Variants in RNF220 observed in about 807,000 individuals in gnomAD.
RNF220 encodes E3 ubiquitin-protein ligase RNF220.
Under a neutral mutation model 67.1 loss-of-function variants are expected in RNF220, and 7 were observed. The observed-to-expected ratio is 0.10, with a 90% CI of 0.06 to 0.20. RNF220 has a LOEUF of 0.20. Ranked by LOEUF, RNF220 falls within the 10% of genes least tolerant of loss-of-function variation. The pLI is 1.00. For missense variants in RNF220, 565 were observed against 740.3 expected (o/e 0.76, Z 2.75); for synonymous variants, 270 against 283.2 (o/e 0.95, Z 0.47).
intron 2 of RNF220, among the ~76,000 whole-genome samples, chr1:44,462,493 A>G (rs1653876338): frequency 6.6e-6 from 1 of 152,192 alleles, no homozygotes; most frequent in Non-Finnish European, 1.5e-5. Flanking sequence ...GAAATCTTAC[A>G]ACTCCTATAT....
intron 2 of RNF220, among the ~76,000 whole-genome samples, chr1:44,424,551 G>A (rs1198454838): frequency 1.3e-5 from 2 of 152,168 alleles, no homozygotes; most frequent in Non-Finnish European, 2.9e-5. Context: ...GAGGACTAGT[G>A]GGGAGGAAAG....
At chr1:44,435,786 C>A (rs1479126811) in intron 2 of RNF220, among the ~76,000 whole-genome samples, 1 of 152,006 alleles carries the variant, frequency 6.6e-6, no homozygotes, top group Non-Finnish European at 1.5e-5. Flanking sequence ...AAAAATTATC[C>A]GGGCATGGTG....
rs1403697152 is a variant in RNF220 at position 44,565,375 on chromosome 1, A to G, written c.626-48790A>G. Among the ~76,000 whole-genome samples, 2 of 152,178 alleles carry G rather than the reference A, an allele frequency of 1.3e-5. No homozygotes were observed. The highest frequency in any genetic ancestry group is 4.8e-5 in the African/African-American group (2 of 41,436). ...GAGGTGAATTATCAGAGGGACCACC[A>G]TGGGTCGGGCAAGCACCTCAGCCAG... is the stretch of plus-strand genomic sequence containing the variant. On this transcript the variant is annotated intron_variant, in intron 2 of 14. Transcript: ENST00000361799. The surrounding 1 kb of genome is among the most constrained non-coding windows in gnomAD (Gnocchi z 4.2).
intron 2 of RNF220, among the ~76,000 whole-genome samples, chr1:44,444,227 T>A (rs1052340521): frequency 4.6e-5 from 7 of 152,228 alleles, no homozygotes; most frequent in Non-Finnish European, 8.8e-5. Context: ...CTTTTTTGCT[T>A]TTTAAAATAA....
At chr1:44,408,409 C>T (rs368861338) in intron 1 of RNF220, among the ~76,000 whole-genome samples, 1 of 152,270 alleles carries the variant, frequency 6.6e-6, no homozygotes, top group African/African-American at 2.4e-5. Context: ...CCTGAGCTCT[C>T]GCATATGGTG....
chr1:44,551,491 G>A (rs1192803862), intron 2 of RNF220, among the ~76,000 whole-genome samples: 1 of 151,992 alleles, frequency 6.6e-6, no homozygotes, highest in East Asian at 1.9e-4. Context: ...TTAGGTTAGG[G>A]TCCTAGAAAA....
intron 2 of RNF220, among the ~76,000 whole-genome samples, chr1:44,509,603 A>G (rs963738832): frequency 6.6e-6 from 1 of 151,122 alleles, no homozygotes; most frequent in African/African-American, 2.4e-5. Flanking sequence ...GAAAATACGC[A>G]TAGGCTGGGT....
intron 2 of RNF220, among the ~76,000 whole-genome samples, chr1:44,444,013 C>T (rs891783746): frequency 1.3e-5 from 2 of 152,182 alleles, no homozygotes; most frequent in South Asian, 2.1e-4. Flanking sequence ...ATTGCTTGAA[C>T]CCGGGAGGTG....
chr1:44,612,762 CA>C (rs5773845), intron 2 of RNF220, among the ~76,000 whole-genome samples: 8 of 150,638 alleles, frequency 5.3e-5, no homozygotes, highest in South Asian at 2.1e-4. Context: ...CATGCTTATA[CA>C]AAAAAAAAAT....
intron 2 of RNF220, among the ~76,000 whole-genome samples, chr1:44,472,866 C>T (rs973915850): frequency 2.0e-5 from 3 of 152,168 alleles, no homozygotes; most frequent in East Asian, 1.9e-4. Context: ...GATGGGTGCG[C>T]GTGCCTGTGG....
intron 2 of RNF220, among the ~76,000 whole-genome samples, chr1:44,597,782 T>C (rs1180641369): frequency 6.6e-6 from 1 of 152,060 alleles, no homozygotes; most frequent in Non-Finnish European, 1.5e-5. Context: ...TTCTTGGTCT[T>C]TCTCACTCTT....
chr1:44,595,472 G>A (rs988188087), intron 2 of RNF220, among the ~76,000 whole-genome samples: 3 of 152,340 alleles, frequency 2.0e-5, no homozygotes, highest in South Asian at 2.1e-4. Context: ...GGATGGGCCA[G>A]GGCTCAGTGC....
chr1:44,466,771 C>T (rs978371341), intron 2 of RNF220, among the ~76,000 whole-genome samples: 8 of 152,178 alleles, frequency 5.3e-5, no homozygotes, highest in African/African-American at 1.2e-4. Context: ...TAAAATATTA[C>T]GTAAACCATG....
intron 2 of RNF220, among the ~76,000 whole-genome samples, chr1:44,455,741 A>C (rs1229601449): frequency 1.3e-5 from 2 of 152,252 alleles, no homozygotes; most frequent in Non-Finnish European, 2.9e-5. Context: ...AGGGGTCGGC[A>C]CTGGAGATAA....
intron 2 of RNF220, among the ~76,000 whole-genome samples, chr1:44,494,025 C>T (rs1203185289): frequency 1.3e-5 from 2 of 151,744 alleles, no homozygotes; most frequent in East Asian, 1.9e-4. Context: ...TGACCAATAT[C>T]GTGAAACCCC....
intron 2 of RNF220, among the ~76,000 whole-genome samples, chr1:44,610,084 G>A (rs1012160933): frequency 1.3e-5 from 2 of 152,166 alleles, no homozygotes; most frequent in Non-Finnish European, 2.9e-5. Context: ...CCGCGACTGG[G>A]GCGGTGGGGA....
chr1:44,554,689 A>G (rs1415828655), intron 2 of RNF220, among the ~76,000 whole-genome samples: 2 of 152,172 alleles, frequency 1.3e-5, no homozygotes, highest in Non-Finnish European at 2.9e-5. Flanking sequence ...AGTGCCCTGC[A>G]TCAGAGCAGT....
rs568594490 is a variant in RNF220, at chr1:44,635,868, C to T, written c.994-162C>T. On this transcript the variant is annotated intron_variant, in intron 7 of 14. Coordinates refer to ENST00000361799, the MANE Select transcript of RNF220 (RefSeq NM_018150.4). The stretch of plus-strand genomic sequence containing the variant: ...CAGCGGAAAACTATTGGGAAGAGGC[C>T]CAGGTCTTTGACCTCTAAATTGGTT... The T allele has an allele frequency of 1.4e-5, 19 of 1,361,088 alleles. No individual in the cohort carries two copies. The South Asian group carries it at 2.3e-4, about 17-fold the overall frequency. The allele number at this position is 1,361,088 out of a possible 1,614,324, so 84.3% of individuals were successfully genotyped here.
At chr1:44,610,101 T>C (rs1332016387) in intron 2 of RNF220, among the ~76,000 whole-genome samples, 1 of 151,244 alleles carries the variant, frequency 6.6e-6, no homozygotes, top group East Asian at 2.0e-4. Context: ...GGGAGGGAGG[T>C]GAGGTAATGA....
Sources: allele counts gnomAD v4.1 joint callset (sites outside exome capture counted in the v4.1 genomes callset), GRCh38; gene constraint gnomAD v4.1.1; non-coding constraint Gnocchi (gnomAD v3.1); transcripts MANE v1.5; gene names NCBI Gene and HGNC (gene_info 2026-07-23, HGNC 2026-07-21).